The following PACS1 variants were observed in gnomAD, a reference collection of about 807,000 sequenced individuals.
The protein encoded by PACS1 is PACS-1.
In PACS1, 24 loss-of-function variants were observed where a neutral mutation model predicts 115.0. The ratio of observed to expected loss-of-function variants is 0.21; its 90% CI spans 0.15 to 0.29. The LOEUF is 0.29. Ranked by LOEUF, PACS1 falls within the 10% of genes least tolerant of loss-of-function variation. PACS1 has a pLI of 1.00. For missense variants in PACS1, 838 were observed against 1,251.2 expected, an observed-to-expected ratio of 0.67 and a Z score of 4.98; for synonymous variants, 453 against 504.5, an observed-to-expected ratio of 0.90 and a Z score of 1.37.
At chr11:66,146,167 G>A (rs1004785998) in intron 1 of PACS1, among the ~76,000 whole-genome samples, 7 of 152,088 alleles carry the variant, frequency 4.6e-5, no homozygotes, top group Admixed American at 4.6e-4. Context: ...GGAAAGGGTG[G>A]TTCATATTCA....
chr11:66,213,587 A>C (rs976519475), intron 4 of PACS1, among the ~76,000 whole-genome samples: 1 of 152,230 alleles, frequency 6.6e-6, no homozygotes, highest in South Asian at 2.1e-4. Flanking sequence ...GTATGCACAC[A>C]TGTGCTCGTG....
intron 2 of PACS1, among the ~76,000 whole-genome samples, chr11:66,193,869 C>T (rs1468041413): frequency 6.6e-6 from 1 of 152,180 alleles, no homozygotes; most frequent in Non-Finnish European, 1.5e-5. Context: ...GTAAACTACT[C>T]AGAAATTACT....
At chr11:66,112,828 C>G (rs139189968) in intron 1 of PACS1, among the ~76,000 whole-genome samples, 3 of 152,278 alleles carry the variant, frequency 2.0e-5, no homozygotes, top group Non-Finnish European at 4.4e-5. Flanking sequence ...GGAAAGAACC[C>G]AAATGCCCAT....
intron 1 of PACS1, among the ~76,000 whole-genome samples, chr11:66,119,641 G>A (rs952653149): frequency 1.4e-4 from 21 of 152,244 alleles, no homozygotes; most frequent in Non-Finnish European, 2.9e-4. Context: ...GCGGATCTCA[G>A]TGCACAGGCA....
intron 1 of PACS1, among the ~76,000 whole-genome samples, chr11:66,130,007 A>G (rs561141893): frequency 6.6e-6 from 1 of 152,220 alleles, no homozygotes; most frequent in African/African-American, 2.4e-5. Flanking sequence ...ATTTTGATTT[A>G]TTTTCCATCC....
chr11:66,121,371 A>G (rs1275170618), intron 1 of PACS1, among the ~76,000 whole-genome samples: 1 of 152,186 alleles, frequency 6.6e-6, no homozygotes, highest in Non-Finnish European at 1.5e-5. Context: ...AATTAGGTCA[A>G]TTAATAACCC....
chr11:66,220,321 C>A (rs931191091), intron 8 of PACS1: 1 of 369,514 alleles, frequency 2.7e-6, no homozygotes, highest in African/African-American at 2.1e-5. Flanking sequence ...ATTGCTTCGC[C>A]TTCCTGTGAG....
chr11:66,087,090 A>G (rs489337), intron 1 of PACS1, among the ~76,000 whole-genome samples: 101,925 of 151,962 alleles, frequency 0.67, 35,493 homozygotes, highest in Non-Finnish European at 0.76. Flanking sequence ...AACATTACCA[A>G]CGCCCCAGAA....
chr11:66,164,156 A>G (rs1859547194), intron 1 of PACS1, among the ~76,000 whole-genome samples: 1 of 152,188 alleles, frequency 6.6e-6, no homozygotes, highest in Non-Finnish European at 1.5e-5. Context: ...TAATGCCTCC[A>G]TAATTGGGAA....
At chr11:66,211,322 G>T in intron 4 of PACS1, 63 bp downstream of exon 4, 4 of 1,563,858 alleles carry the variant, frequency 2.6e-6, no homozygotes. Context: ...GGACACCCCA[G>T]CCCAGCCAGT....
chr11:66,151,764 ACT>A (rs1196240884), intron 1 of PACS1, among the ~76,000 whole-genome samples: 4 of 152,062 alleles, frequency 2.6e-5, no homozygotes, highest in Admixed American at 6.5e-5. Flanking sequence ...GTAGAGACTG[ACT>A]CTGAGCATCT....
intron 1 of PACS1, among the ~76,000 whole-genome samples, chr11:66,108,520 T>A (rs532381192): frequency 6.6e-6 from 1 of 152,106 alleles, no homozygotes; most frequent in South Asian, 2.1e-4. Flanking sequence ...CCCAGGAGTT[T>A]GAAACCAGCC....
At chr11:66,200,048 C>CAAA (rs148337835) in intron 2 of PACS1, among the ~76,000 whole-genome samples, 22 of 142,494 alleles carry the variant, frequency 1.5e-4, no homozygotes, top group East Asian at 8.6e-4. Flanking sequence ...CAAAACAAAA[C>CAAA]AAAAAAAAAA....
intron 1 of PACS1, among the ~76,000 whole-genome samples, chr11:66,173,474 G>A (rs1286299790): frequency 1.3e-5 from 2 of 151,198 alleles, no homozygotes; most frequent in African/African-American, 2.4e-5. Context: ...TTGGGAGGCC[G>A]AGGCAAGCGG....
chr11:66,086,672 G>A (rs1590734195), intron 1 of PACS1, among the ~76,000 whole-genome samples: 1 of 152,140 alleles, frequency 6.6e-6, no homozygotes, highest in East Asian at 1.9e-4. Flanking sequence ...CTGGAGTGTA[G>A]TAGTGTGATC....
rs1554993480 is a variant in PACS1 at position 66,233,808 on chromosome 11, C to G, written c.1862C>G (p.Pro621Arg). ...QRYCNCNSSM[P>R]RPVKVAAVGG... is the part of the protein sequence containing the mutation. ...AGCTGCAACTGCAACTCTTCCATGC[C>G]GAGGCCAGTGAAGGTGGCTGCTGTG... Residue 621 changes from proline to arginine, a missense_variant, in exon 16 of 24, where the codon CCG (proline) becomes CGG (arginine). Coordinates refer to ENST00000320580, the MANE Select transcript of PACS1 (RefSeq NM_018026.4). This position sits in a 1 kb window ranked among gnomAD's most constrained non-coding sequence, Gnocchi z 4.5. 1.9e-6 allele frequency: 3 copies of G among 1,613,844 alleles called. No homozygotes were observed. The highest frequency in any genetic ancestry group is 1.7e-6 in the Non-Finnish European group (2 of 1,179,878).
chr11:66,084,091 G>A (rs1337054347), intron 1 of PACS1: 1 of 152,416 alleles, frequency 6.6e-6, no homozygotes, highest in Non-Finnish European at 1.5e-5. Flanking sequence ...GTGAGTGAGT[G>A]AGCAAATATT....
intron 22 of PACS1, 39 bp from the exon 23 acceptor site, chr11:66,242,873 C>T (rs1379194093): frequency 3.1e-6 from 5 of 1,612,462 alleles, no homozygotes; most frequent in Non-Finnish European, 4.2e-6. Flanking sequence ...GGCGGCTTCC[C>T]CAGGGGCTGG....
intron 2 of PACS1, among the ~76,000 whole-genome samples, chr11:66,205,854 C>T (rs1028240925): frequency 6.6e-6 from 1 of 151,970 alleles, no homozygotes; most frequent in Admixed American, 6.6e-5. Flanking sequence ...GCATTTAAAA[C>T]AGCAGTAACC....
Sources: gnomAD v4.1 joint callset for allele counts (sites outside exome capture counted in the v4.1 genomes callset) on GRCh38, gnomAD v4.1.1 for gene constraint, Gnocchi (gnomAD v3.1) non-coding constraint, MANE v1.5 for transcripts, NCBI Gene and HGNC (gene_info 2026-07-23, HGNC 2026-07-21) for gene names.